The following GRAMD1C variants were observed in gnomAD, a reference collection of about 807,000 sequenced individuals.
GRAMD1C encodes protein Aster-C.
GRAMD1C carries 89 observed loss-of-function variants against 97.8 expected under a neutral mutation model. The observed-to-expected ratio is 0.91, with a 90% CI of 0.77 to 1.09. GRAMD1C has a LOEUF of 1.09. GRAMD1C is among the 50% of genes least tolerant of loss of function. The pLI is 0.00. For missense variants in GRAMD1C, 740 were observed against 766.4 expected (o/e 0.97, Z 0.41); for synonymous variants, 256 against 267.0 (o/e 0.96, Z 0.40).
At chr3:113,849,254 A>G (rs1933745478) in intron 2 of GRAMD1C, among the ~76,000 whole-genome samples, 1 of 150,614 alleles carries the variant, frequency 6.6e-6, no homozygotes, top group African/African-American at 2.4e-5. Flanking sequence ...TGCTTTGGAT[A>G]AGCTAGTTAA....
At chr3:113,869,667 A>G in intron 3 of GRAMD1C, 76 bp downstream of exon 3, 2 of 709,500 alleles carry the variant, frequency 2.8e-6, no homozygotes, top group Non-Finnish European at 5.0e-6. Context: ...AGTATATGTA[A>G]TAAAATTTAA....
intron 2 of GRAMD1C, among the ~76,000 whole-genome samples, chr3:113,847,593 C>T (rs1399045924): frequency 6.6e-6 from 1 of 152,198 alleles, no homozygotes; most frequent in Non-Finnish European, 1.5e-5. Context: ...ACAACTCTAG[C>T]ATGTTGCTGT....
At chr3:113,862,598 G>A (rs1407192601) in intron 2 of GRAMD1C, among the ~76,000 whole-genome samples, 1 of 152,070 alleles carries the variant, frequency 6.6e-6, no homozygotes, top group African/African-American at 2.4e-5. Context: ...TCATCACAGG[G>A]TCCTGAGGTG....
intron 2 of GRAMD1C, among the ~76,000 whole-genome samples, chr3:113,846,854 T>C (rs1382903259): frequency 6.6e-6 from 1 of 152,164 alleles, no homozygotes; most frequent in Non-Finnish European, 1.5e-5. Context: ...GTATATGAAT[T>C]CATATAGAAT....
intron 6 of GRAMD1C, among the ~76,000 whole-genome samples, chr3:113,896,339 G>T (rs1281082762): frequency 1.3e-5 from 2 of 151,934 alleles, no homozygotes; most frequent in African/African-American, 4.8e-5. Context: ...TACCTTTCTG[G>T]TATTTCCCTG....
At chr3:113,914,243 T>G (rs1936718535) in intron 9 of GRAMD1C, among the ~76,000 whole-genome samples, 1 of 152,242 alleles carries the variant, frequency 6.6e-6, no homozygotes, top group Admixed American at 6.5e-5. Context: ...GATTCATTTC[T>G]ACGCTGAAGG....
intron 6 of GRAMD1C, among the ~76,000 whole-genome samples, chr3:113,887,088 T>TTTG (rs1559795620): frequency 1.0e-5 from 1 of 98,668 alleles, no homozygotes; most frequent in African/African-American, 3.6e-5. Context: ...CCTTTTTGTT[T>TTTG]TTTTTTTGTT....
chr3:113,850,224 A>C (rs1338920666), intron 2 of GRAMD1C: 8 of 557,862 alleles, frequency 1.4e-5, no homozygotes, highest in African/African-American at 5.6e-5. Flanking sequence ...CAAAATAATA[A>C]TACTCTCCAG....
chr3:113,898,397 C>A (rs1382838390), intron 6 of GRAMD1C, among the ~76,000 whole-genome samples: 1 of 151,958 alleles, frequency 6.6e-6, no homozygotes, highest in Non-Finnish European at 1.5e-5. Context: ...CCTAGTAAGA[C>A]ACTAAAATAT....
At chr3:113,884,895 C>A (rs1469491300) in intron 6 of GRAMD1C, among the ~76,000 whole-genome samples, 1 of 116,378 alleles carries the variant, frequency 8.6e-6, no homozygotes, top group African/African-American at 3.2e-5. Flanking sequence ...TCTCCGCTTT[C>A]CCCCCCTTCC....
rs1559795559 is a variant in GRAMD1C at position 113,887,079 on chromosome 3, C to CTT, written c.540+4251_540+4252dup. Among the ~76,000 whole-genome samples the CTT allele has an allele frequency of 1.6e-3, 152 of 97,398 alleles. 4 individuals carry two copies. The highest frequency in any genetic ancestry group is 0.011 in the Middle Eastern group (1 of 88). The allele number at this position is 97,398 out of a possible 152,430, so 63.9% of individuals were successfully genotyped here. A position where few individuals can be genotyped will look rare whatever the true frequency, so the allele number is the denominator to read the frequency against. On this transcript the variant is annotated intron_variant, in intron 6 of 17. Coordinates refer to ENST00000358160, the MANE Select transcript of GRAMD1C (RefSeq NM_017577.5). ...ACAGGCATGAGCCACTGCGCCTGGC[C>CTT]TTTTTGTTTTTTTTTTGTTTTTTTT... is the stretch of plus-strand genomic sequence containing the variant.
At chr3:113,904,619 T>TC (rs1936293553) in intron 8 of GRAMD1C, among the ~76,000 whole-genome samples, 1 of 151,972 alleles carries the variant, frequency 6.6e-6, no homozygotes, top group African/African-American at 2.4e-5. Flanking sequence ...TGTTTTTTTT[T>TC]TTTTCTTTCT....
chr3:113,904,251 C>T lies in GRAMD1C; in HGVS notation c.768C>T (p.Phe256=), dbSNP rs750971322. 3.5e-5 allele frequency: 56 copies of T among 1,604,834 alleles called. No individual in the cohort carries two copies. Among genetic ancestry groups the T allele is most frequent in the Non-Finnish European group, 4.5e-5 (53 of 1,171,952 alleles). The change falls in exon 8 of 18, where the codon TTC becomes TTT. Residue 256 remains phenylalanine, a synonymous_variant. Transcript: ENST00000358160. ...SISRVSETES[F]DGNSSKGGLG... ...GTCGGGTTTCAGAAACAGAGTCATT[C>T]GATGGAAATTCATCAAAAGGAGTTA...
Position 113,946,668 on chromosome 3 carries a change from ATCTATC to A in GRAMD1C, c.*1192_*1197del, listed in dbSNP as rs1938100329. 1 of 152,112 alleles carries A rather than the reference ATCTATC, an allele frequency of 6.6e-6. No homozygotes were observed. The highest frequency in any genetic ancestry group is 1.5e-5 in the Non-Finnish European group (1 of 68,030). 9.4% of individuals were successfully genotyped at this position (152,112 alleles called of 1,614,324 possible). On this transcript the variant is annotated 3_prime_UTR_variant, in exon 18 of 18. Coordinates refer to ENST00000358160, the MANE Select transcript of GRAMD1C (RefSeq NM_017577.5). ...CTGGGGAAAAAATACATATCCATCTATCTATCTATATATAAACTGTGTATACATTCT... is the reference window on the plus strand; with the variant it reads ...CTGGGGAAAAAATACATATCCATCTATATATATAAACTGTGTATACATTCT...
chr3:113,921,186 T>C (rs1038162311), intron 10 of GRAMD1C, among the ~76,000 whole-genome samples: 1 of 152,218 alleles, frequency 6.6e-6, no homozygotes, highest in East Asian at 1.9e-4. Context: ...CCTGCAGTAG[T>C]TCGCTCAGGA....
intron 10 of GRAMD1C, among the ~76,000 whole-genome samples, chr3:113,928,650 T>C (rs189862257): frequency 1.7e-3 from 260 of 152,358 alleles, no homozygotes; most frequent in African/African-American, 5.8e-3. Context: ...CCATTGTTGA[T>C]GATCACCATT....
chr3:113,886,106 C>T (rs1935466741), intron 6 of GRAMD1C: 2 of 1,487,704 alleles, frequency 1.3e-6, no homozygotes, highest in African/African-American at 1.4e-5. Context: ...GGGATGCCAT[C>T]TGATGCCCTG....
At chr3:113,938,243 A>ACCC in intron 15 of GRAMD1C, 100 bp downstream of exon 15, 1 of 541,688 alleles carries the variant, frequency 1.8e-6, no homozygotes. Flanking sequence ...TTGTGTAGAA[A>ACCC]TTGCCACTAT....
upstream of GRAMD1C, among the ~76,000 whole-genome samples, chr3:113,837,780 C>T (rs1709662538): frequency 1.3e-5 from 2 of 152,132 alleles, no homozygotes; most frequent in Admixed American, 6.5e-5. Context: ...TGGTGGCACA[C>T]GCCAGTAGTC....
Sources: gnomAD v4.1 joint callset for allele counts (sites outside exome capture counted in the v4.1 genomes callset) on GRCh38, gnomAD v4.1.1 for gene constraint, MANE v1.5 for transcripts, NCBI Gene and HGNC (gene_info 2026-07-23, HGNC 2026-07-21) for gene names.